The following CACNA2D2 variants were observed in gnomAD, a reference collection of about 807,000 sequenced individuals.
The protein encoded by CACNA2D2 is voltage-dependent calcium channel subunit alpha-2/delta-2.
CACNA2D2 carries 48 observed loss-of-function variants against 166.4 expected under a neutral mutation model. That is an observed-to-expected ratio of 0.29 (90% CI 0.23 to 0.37). CACNA2D2 has a LOEUF of 0.37. Among genes scored for constraint, CACNA2D2 ranks in the 10% least tolerant of loss-of-function variants. The probability of loss-of-function intolerance (pLI) is 1.00; values close to 1 mark genes in which losing one functional copy is unlikely to be tolerated. For missense variants in CACNA2D2, 1,122 were observed against 1,433.0 expected (o/e 0.78, Z 3.50); for synonymous variants, 561 against 573.7 (o/e 0.98, Z 0.32).
In CACNA2D2 at chr3:50,380,968, A is replaced by G. The variant is rs114650480; in HGVS notation, c.784+27T>C. On this transcript the variant is annotated intron_variant, in intron 7 of 37. Coordinates refer to ENST00000424201, the MANE Select transcript of CACNA2D2 (RefSeq NM_006030.4). The surrounding 1 kb of genome is among the most constrained non-coding windows in gnomAD (Gnocchi z 4.9). ...GATGGAGAAAGGCGAGGTGCTGGGTAGACAGGGGACAGGGGCTGGTACCTA... is the reference window on the plus strand; with the variant it reads ...GATGGAGAAAGGCGAGGTGCTGGGTGGACAGGGGACAGGGGCTGGTACCTA... 269 of 1,612,800 alleles carry G rather than the reference A, an allele frequency of 1.7e-4. 1 individual carries two copies. In the African/African-American group the frequency reaches 3.2e-3, roughly 19 times the overall value.
rs372028525 is a variant in CACNA2D2 at position 50,365,766 on chromosome 3, G to T, written c.2915+44C>A. On this transcript the variant is annotated intron_variant, in intron 33 of 37. Transcript: ENST00000424201. This position sits in a 1 kb window ranked among gnomAD's most constrained non-coding sequence, Gnocchi z 4.5. ...CCCTACTTCTCTTCTGAGCCCTCCC[G>T]GCCAGGGAGCACCTTCTCTACCCAC... 1.9e-5 allele frequency: 31 copies of T among 1,612,162 alleles called. No individual in the cohort carries two copies. The African/African-American group carries it at 2.4e-4, about 12-fold the overall frequency.
At chr3:50,447,549 C>T (rs1708910597) in intron 2 of CACNA2D2, among the ~76,000 whole-genome samples, 1 of 152,114 alleles carries the variant, frequency 6.6e-6, no homozygotes, top group Non-Finnish European at 1.5e-5. Context: ...AGCTAGGTTC[C>T]CCCCTGCCCC....
At chr3:50,475,616 G>A (rs761018529) in intron 2 of CACNA2D2, among the ~76,000 whole-genome samples, 5 of 152,170 alleles carry the variant, frequency 3.3e-5, no homozygotes, top group Non-Finnish European at 7.3e-5. Context: ...TGGATGTGGT[G>A]GCTGGTGCCT....
intron 2 of CACNA2D2, among the ~76,000 whole-genome samples, chr3:50,455,532 A>G (rs1709317779): frequency 6.6e-6 from 1 of 152,250 alleles, no homozygotes; most frequent in Admixed American, 6.5e-5. Flanking sequence ...TATGCAAGAC[A>G]AGGAATAATT....
chr3:50,415,773 G>C (rs1395711699), intron 3 of CACNA2D2: 1 of 152,272 alleles, frequency 6.6e-6, no homozygotes, highest in Non-Finnish European at 1.5e-5. Flanking sequence ...GAATAAACAG[G>C]TGAATGAATC....
Position 50,379,263 on chromosome 3 carries a change from C to G in CACNA2D2, c.1153-64G>C. ...TCCCTGGTCCAGGGGCAGGGCCTCCCTCCCGCAGTGGGCCTGGACCTCTGG... is the reference window on the plus strand; with the variant it reads ...TCCCTGGTCCAGGGGCAGGGCCTCCGTCCCGCAGTGGGCCTGGACCTCTGG... On this transcript the variant is annotated intron_variant, in intron 11 of 37. Coordinates refer to ENST00000424201, the MANE Select transcript of CACNA2D2 (RefSeq NM_006030.4). The surrounding 1 kb of genome is among the most constrained non-coding windows in gnomAD (Gnocchi z 6.5). 6.7e-7 allele frequency: 1 copy of G among 1,488,578 alleles called. No individual in the cohort carries two copies. Among genetic ancestry groups the G allele is most frequent in the East Asian group, 2.3e-5 (1 of 44,094 alleles). 92.2% of individuals were successfully genotyped at this position (1,488,578 alleles called of 1,614,324 possible).
chr3:50,368,975 A>T (rs1226975044), intron 23 of CACNA2D2, among the ~76,000 whole-genome samples: 1 of 152,166 alleles, frequency 6.6e-6, no homozygotes, highest in Non-Finnish European at 1.5e-5. Flanking sequence ...GCCACCAGGG[A>T]CCGCTTCATT....
At chr3:50,485,647 G>A (rs774793225) in intron 1 of CACNA2D2, among the ~76,000 whole-genome samples, 1 of 152,208 alleles carries the variant, frequency 6.6e-6, no homozygotes, top group African/African-American at 2.4e-5. Context: ...CCTAGGATAC[G>A]GAGACAGGCA....
At chr3:50,465,872 C>G (rs1396256730) in intron 2 of CACNA2D2, among the ~76,000 whole-genome samples, 1 of 152,156 alleles carries the variant, frequency 6.6e-6, no homozygotes, top group Non-Finnish European at 1.5e-5. Flanking sequence ...GACAGGTCCC[C>G]CTGCCTTTGG....
At chr3:50,412,539 G>GCACTC (rs1296505385) in intron 3 of CACNA2D2, among the ~76,000 whole-genome samples, 1 of 143,056 alleles carries the variant, frequency 7.0e-6, no homozygotes, top group Non-Finnish European at 1.5e-5. Flanking sequence ...AAAGCCATGG[G>GCACTC]CACTCAACAG....
chr3:50,428,468 C>T (rs908818260), intron 3 of CACNA2D2, among the ~76,000 whole-genome samples: 1 of 152,210 alleles, frequency 6.6e-6, no homozygotes, highest in African/African-American at 2.4e-5. Flanking sequence ...TGAACAGACC[C>T]GGTCACACTG....
chr3:50,421,813 G>A (rs572020052), intron 3 of CACNA2D2, among the ~76,000 whole-genome samples: 3 of 152,154 alleles, frequency 2.0e-5, no homozygotes, highest in African/African-American at 7.2e-5. Context: ...CAGGACCCCA[G>A]GATGTGAGTG....
At chr3:50,404,178 A>G (rs1706580145) in intron 3 of CACNA2D2, among the ~76,000 whole-genome samples, 1 of 152,160 alleles carries the variant, frequency 6.6e-6, no homozygotes, top group African/African-American at 2.4e-5. Context: ...GATGACAGAG[A>G]ATAGGGATCC....
At chr3:50,369,592 T>C (rs1015803594) in intron 23 of CACNA2D2, among the ~76,000 whole-genome samples, 1 of 152,258 alleles carries the variant, frequency 6.6e-6, no homozygotes. Flanking sequence ...CCTGGGTCTC[T>C]TGTCAGCTGC....
At chr3:50,412,751 G>C (rs761349571) in intron 3 of CACNA2D2, among the ~76,000 whole-genome samples, 1 of 152,226 alleles carries the variant, frequency 6.6e-6, no homozygotes, top group Non-Finnish European at 1.5e-5. Flanking sequence ...TGACAGTGAA[G>C]TAAAAGGGGA....
rs531360503 is a variant in CACNA2D2, at chr3:50,482,312, G to A, written c.207-6113C>T. On this transcript the variant is annotated intron_variant, in intron 1 of 37. Coordinates refer to ENST00000424201, the MANE Select transcript of CACNA2D2 (RefSeq NM_006030.4). ...GGCATCTCCTGGGCCACCTTCCCTG[G>A]GGAGTCCTCTCTGACCACTCGGGTG... is the stretch of plus-strand genomic sequence containing the variant. 3.9e-5 allele frequency among the ~76,000 whole-genome samples: 6 copies of A among 152,174 alleles called. No homozygotes were observed. The South Asian group carries it at 1.2e-3, about 31-fold the overall frequency.
chr3:50,502,944 C>G (rs561499828), intron 1 of CACNA2D2, among the ~76,000 whole-genome samples: 4 of 152,362 alleles, frequency 2.6e-5, no homozygotes, highest in Admixed American at 6.5e-5. Flanking sequence ...CCGCCCCCCC[C>G]CAACTCCTCC....
chr3:50,475,752 G>A (rs887815753), intron 2 of CACNA2D2, among the ~76,000 whole-genome samples: 1 of 152,100 alleles, frequency 6.6e-6, no homozygotes, highest in Non-Finnish European at 1.5e-5. Flanking sequence ...GTTGTTTCCT[G>A]GATCCCTTCA....
At position 50,379,073 on chromosome 3, in the gene CACNA2D2, T is replaced by G. The variant is rs1310655265; in HGVS notation, c.1260+19A>C. 1.9e-6 allele frequency: 3 copies of G among 1,613,340 alleles called. No individual in the cohort carries two copies. The Admixed American group carries it at 5.0e-5, about 27-fold the overall frequency. On this transcript the variant is annotated intron_variant, in intron 12 of 37. Coordinates refer to ENST00000424201, the MANE Select transcript of CACNA2D2 (RefSeq NM_006030.4). The surrounding 1 kb of genome is among the most constrained non-coding windows in gnomAD (Gnocchi z 6.5). ...ACTGGGCCCAGGTCAGGGTAGCCCCTGCCTCGGTTGAGCCTCACCGTCCGG... is the reference window on the plus strand; with the variant it reads ...ACTGGGCCCAGGTCAGGGTAGCCCCGGCCTCGGTTGAGCCTCACCGTCCGG...
Sources: allele counts gnomAD v4.1 joint callset (sites outside exome capture counted in the v4.1 genomes callset), GRCh38; gene constraint gnomAD v4.1.1; non-coding constraint Gnocchi (gnomAD v3.1); transcripts MANE v1.5; gene names NCBI Gene and HGNC (gene_info 2026-07-23, HGNC 2026-07-21).